PRKCE: variants seen among roughly 807,000 people sequenced by gnomAD.
The protein encoded by PRKCE is protein kinase C epsilon type.
A neutral mutation model predicts 85.4 loss-of-function variants in PRKCE; 16 were observed. The observed-to-expected ratio is 0.19, with a 90% CI of 0.13 to 0.28. The LOEUF is 0.28. Ranked by LOEUF, PRKCE falls within the 10% of genes least tolerant of loss-of-function variation. The pLI, the probability that PRKCE is intolerant of heterozygous loss-of-function variation, is 1.00. For missense variants in PRKCE, 573 were observed against 975.2 expected, an observed-to-expected ratio of 0.59 and a Z score of 5.49; for synonymous variants, 388 against 371.5, an observed-to-expected ratio of 1.04 and a Z score of -0.51.
chr2:45,699,409 G>C (rs1378842733), intron 1 of PRKCE, among the ~76,000 whole-genome samples: 1 of 152,182 alleles, frequency 6.6e-6, no homozygotes, highest in Non-Finnish European at 1.5e-5. Flanking sequence ...TCGCTGACTT[G>C]ATCAGAGCTC....
intron 1 of PRKCE, among the ~76,000 whole-genome samples, chr2:45,735,566 A>G (rs956841243): frequency 1.3e-5 from 2 of 152,242 alleles, no homozygotes; most frequent in African/African-American, 4.8e-5. Flanking sequence ...GATTAAGTGA[A>G]GTGGTGCCGA....
chr2:45,977,783 A>G (rs1295330241), intron 3 of PRKCE, among the ~76,000 whole-genome samples: 1 of 152,190 alleles, frequency 6.6e-6, no homozygotes. Context: ...CAGAAGTATG[A>G]TTCTACCCCT....
At chr2:45,986,597 G>A (rs1468626760) in intron 6 of PRKCE, among the ~76,000 whole-genome samples, 1 of 152,188 alleles carries the variant, frequency 6.6e-6, no homozygotes, top group African/African-American at 2.4e-5. Context: ...GGCATTGCAA[G>A]GAGATTCCCC....
chr2:45,884,986 TATATA>T lies in PRKCE; in HGVS notation c.412+41924_412+41928del, dbSNP rs1483373454. On this transcript the variant is annotated intron_variant, in intron 2 of 14. Coordinates refer to ENST00000306156, the MANE Select transcript of PRKCE (RefSeq NM_005400.3). ...ATATATATATATATATATATATATA[TATATA>T]TATATATATATTTGTTGTTGTTGTT... Among the ~76,000 whole-genome samples, 57 of 87,978 alleles carry T rather than the reference TATATA, an allele frequency of 6.5e-4. 2 individuals carry two copies. Among genetic ancestry groups the T allele is most frequent in the East Asian group, 2.7e-3 (7 of 2,620 alleles). 57.7% of individuals were successfully genotyped at this position (87,978 alleles called of 152,430 possible).
intron 1 of PRKCE, among the ~76,000 whole-genome samples, chr2:45,830,553 C>G (rs1193806895): frequency 2.0e-5 from 3 of 152,052 alleles, no homozygotes; most frequent in Admixed American, 6.6e-5. Flanking sequence ...AGAGGAGTTT[C>G]AGAAAGAAAA....
chr2:45,733,868 G>T (rs752070937), intron 1 of PRKCE, among the ~76,000 whole-genome samples: 7 of 152,194 alleles, frequency 4.6e-5, no homozygotes, highest in Admixed American at 1.3e-4. Flanking sequence ...GCTGGCCCCT[G>T]CCTTCTCAGA....
chr2:46,025,720 A>T (rs887323976), intron 10 of PRKCE, among the ~76,000 whole-genome samples: 7 of 152,228 alleles, frequency 4.6e-5, no homozygotes, highest in African/African-American at 1.7e-4. Context: ...ACAGGAGCAC[A>T]GTGGCAAGGT....
rs150006873 is a variant in PRKCE, at chr2:46,138,319, C to T, written c.1593-6774C>T. Reference sequence around the variant, plus strand: ...ATCAAATAGAGATTTCCAACTCATACGTCTGTCATTTTATCTAATAGGTGG... The same window carrying T: ...ATCAAATAGAGATTTCCAACTCATATGTCTGTCATTTTATCTAATAGGTGG... On this transcript the variant is annotated intron_variant, in intron 11 of 14. Transcript: ENST00000306156. This position sits in a 1 kb window ranked among gnomAD's most constrained non-coding sequence, Gnocchi z 4.2. Among the ~76,000 whole-genome samples, 8 of 152,286 alleles carry T rather than the reference C, an allele frequency of 5.3e-5. No individual in the cohort carries two copies. The East Asian group carries it at 7.7e-4, about 15-fold the overall frequency.
chr2:46,062,745 C>G (rs548066151), intron 10 of PRKCE, among the ~76,000 whole-genome samples: 1 of 136,654 alleles, frequency 7.3e-6, no homozygotes, highest in East Asian at 2.3e-4. Context: ...ACCATCTCAG[C>G]TCACTGCAAC....
Position 45,874,496 on chromosome 2 carries a change from C to A in PRKCE, c.412+31433C>A, listed in dbSNP as rs547798795. 2.4e-4 allele frequency among the ~76,000 whole-genome samples: 37 copies of A among 152,352 alleles called. 1 individual carries two copies. In the South Asian group the frequency reaches 7.3e-3, roughly 30 times the overall value. ...CACATTTTGGCAGTGGCTCTCCCAACTTGGCAACTGGCTTAGAGGCAAGTG... is the reference window on the plus strand; with the variant it reads ...CACATTTTGGCAGTGGCTCTCCCAAATTGGCAACTGGCTTAGAGGCAAGTG... On this transcript the variant is annotated intron_variant, in intron 2 of 14. Coordinates refer to ENST00000306156, the MANE Select transcript of PRKCE (RefSeq NM_005400.3).
intron 11 of PRKCE, among the ~76,000 whole-genome samples, chr2:46,102,477 A>G (rs1671336148): frequency 6.6e-6 from 1 of 152,340 alleles, no homozygotes; most frequent in Non-Finnish European, 1.5e-5. Flanking sequence ...ACCCTACACC[A>G]GGTTCCCCTA....
chr2:46,030,581 C>G (rs1278585198), intron 10 of PRKCE, among the ~76,000 whole-genome samples: 6 of 152,140 alleles, frequency 3.9e-5, no homozygotes, highest in Admixed American at 6.5e-5. Context: ...TACTTCTGAA[C>G]AGCTATTGCA....
intron 2 of PRKCE, among the ~76,000 whole-genome samples, chr2:45,932,620 A>C (rs1432701260): frequency 6.6e-6 from 1 of 151,812 alleles, no homozygotes; most frequent in Non-Finnish European, 1.5e-5. Context: ...GTTTTATTGT[A>C]TCTTTTTTTG....
At chr2:45,821,511 C>T (rs1477592829) in intron 1 of PRKCE, among the ~76,000 whole-genome samples, 1 of 152,130 alleles carries the variant, frequency 6.6e-6, no homozygotes, top group East Asian at 1.9e-4. Context: ...CCAGTTGACC[C>T]TCAATGCCCA....
intron 11 of PRKCE, among the ~76,000 whole-genome samples, chr2:46,098,949 G>C (rs911005480): frequency 8.5e-5 from 13 of 152,106 alleles, no homozygotes; most frequent in African/African-American, 3.1e-4. Flanking sequence ...GAGAGTGGTA[G>C]GGGGTACCAT....
At chr2:45,692,722 C>CACAA (rs1677832816) in intron 1 of PRKCE, among the ~76,000 whole-genome samples, 1 of 151,622 alleles carries the variant, frequency 6.6e-6, no homozygotes, top group Non-Finnish European at 1.5e-5. Context: ...CACACACACA[C>CACAA]ACACACACCC....
At chr2:46,091,605 G>A (rs1348033559) in intron 11 of PRKCE, among the ~76,000 whole-genome samples, 3 of 152,186 alleles carry the variant, frequency 2.0e-5, no homozygotes, top group Admixed American at 2.0e-4. Context: ...CTGACCAAGT[G>A]TCCCCATGTT....
intron 1 of PRKCE, among the ~76,000 whole-genome samples, chr2:45,671,232 T>C (rs1359726048): frequency 6.6e-6 from 1 of 152,258 alleles, no homozygotes; most frequent in Non-Finnish European, 1.5e-5. Flanking sequence ...GTAGTGAATA[T>C]ATTCAAAGCG....
At chr2:45,825,037 G>A (rs1270372918) in intron 1 of PRKCE, among the ~76,000 whole-genome samples, 1 of 152,180 alleles carries the variant, frequency 6.6e-6, no homozygotes, top group Non-Finnish European at 1.5e-5. Context: ...TGAGAAATGA[G>A]ACTGCCTTTT....
Sources: allele counts gnomAD v4.1 joint callset (sites outside exome capture counted in the v4.1 genomes callset), GRCh38; gene constraint gnomAD v4.1.1; non-coding constraint Gnocchi (gnomAD v3.1); transcripts MANE v1.5; gene names NCBI Gene and HGNC (gene_info 2026-07-23, HGNC 2026-07-21).